Variants in PDE4B observed in about 807,000 individuals in gnomAD.
The protein encoded by PDE4B is phosphodiesterase 4B.
A neutral mutation model predicts 82.2 loss-of-function variants in PDE4B; 20 were observed. That is an observed-to-expected ratio of 0.24 (90% CI 0.17 to 0.35). The LOEUF is 0.35. PDE4B is among the 10% of genes least tolerant of loss of function. The pLI is 1.00. For synonymous variants in PDE4B, 320 were observed against 318.9 expected (o/e 1.00, Z -0.04); for missense variants, 655 against 907.2 (o/e 0.72, Z 3.57).
chr1:66,195,108 G>T (rs978035568), intron 3 of PDE4B, among the ~76,000 whole-genome samples: 5 of 152,078 alleles, frequency 3.3e-5, no homozygotes, highest in Non-Finnish European at 7.4e-5. Flanking sequence ...AATAATCAGT[G>T]GTACAAAGCT....
intron 6 of PDE4B, among the ~76,000 whole-genome samples, chr1:66,259,021 TG>T (rs1383404813): frequency 6.6e-6 from 1 of 152,196 alleles, no homozygotes; most frequent in African/African-American, 2.4e-5. Flanking sequence ...GTTTAAATGC[TG>T]GTGCTTGGCA....
chr1:66,276,961 T>C (rs1369973590), intron 7 of PDE4B, among the ~76,000 whole-genome samples: 1 of 152,240 alleles, frequency 6.6e-6, no homozygotes, highest in Admixed American at 6.5e-5. Flanking sequence ...CCCAGTAGTA[T>C]TTAGTGTTTA....
intron 1 of PDE4B, among the ~76,000 whole-genome samples, chr1:65,829,503 TC>T (rs1164894782): frequency 6.6e-6 from 1 of 152,196 alleles, no homozygotes; most frequent in Non-Finnish European, 1.5e-5. Flanking sequence ...TTTTTATTTT[TC>T]TCCAGTGAAC....
At chr1:66,248,587 T>G (rs1156516134) in intron 4 of PDE4B, among the ~76,000 whole-genome samples, 1 of 152,244 alleles carries the variant, frequency 6.6e-6, no homozygotes, top group East Asian at 1.9e-4. Flanking sequence ...TCAATCATTG[T>G]GTGGGCCCAA....
At position 66,180,015 on chromosome 1, in the gene PDE4B, A is replaced by G. The variant is rs1266991859; in HGVS notation, c.282-67445A>G. 3.3e-5 allele frequency among the ~76,000 whole-genome samples: 5 copies of G among 152,238 alleles called. No individual in the cohort carries two copies. The East Asian group carries it at 9.6e-4, about 29-fold the overall frequency. On this transcript the variant is annotated intron_variant, in intron 3 of 16. Coordinates refer to ENST00000341517, the MANE Select transcript of PDE4B (RefSeq NM_002600.4). The stretch of plus-strand genomic sequence containing the variant: ...GACAAGGTAGATTAACTGAAATAAT[A>G]ACTTCTAATGCTCATGGATTCATTT...
chr1:66,272,706 G>A (rs926307604), intron 7 of PDE4B, among the ~76,000 whole-genome samples: 38 of 150,580 alleles, frequency 2.5e-4, no homozygotes, highest in Non-Finnish European at 1.3e-4. Context: ...GCATTGTGGT[G>A]GTCCTCCAAC....
chr1:65,973,419 A>G (rs1650247881), intron 3 of PDE4B, among the ~76,000 whole-genome samples: 1 of 152,172 alleles, frequency 6.6e-6, no homozygotes, highest in African/African-American at 2.4e-5. Flanking sequence ...GGGTTTGAAT[A>G]AAACTTCAGT....
At chr1:66,199,505 T>C (rs945813262) in intron 3 of PDE4B, among the ~76,000 whole-genome samples, 1 of 152,176 alleles carries the variant, frequency 6.6e-6, no homozygotes, top group Non-Finnish European at 1.5e-5. Flanking sequence ...TCATTGTAGA[T>C]TCTGGATATT....
At chr1:66,125,968 G>T (rs1359722082) in intron 3 of PDE4B, among the ~76,000 whole-genome samples, 1 of 152,124 alleles carries the variant, frequency 6.6e-6, no homozygotes, top group Non-Finnish European at 1.5e-5. Context: ...CACCACACTA[G>T]GTTAATTTTG....
At chr1:65,867,080 G>A (rs1228446681) in intron 1 of PDE4B, among the ~76,000 whole-genome samples, 1 of 151,934 alleles carries the variant, frequency 6.6e-6, no homozygotes, top group Non-Finnish European at 1.5e-5. Flanking sequence ...AGGTATAGAT[G>A]GAATAAGACT....
chr1:65,988,435 A>G (rs892399143), intron 3 of PDE4B, among the ~76,000 whole-genome samples: 2 of 152,124 alleles, frequency 1.3e-5, no homozygotes, highest in African/African-American at 4.8e-5. Flanking sequence ...CTGCTGGAAG[A>G]GGTATGTTAG....
intron 3 of PDE4B, among the ~76,000 whole-genome samples, chr1:66,165,559 T>C (rs1646712623): frequency 6.6e-6 from 1 of 151,980 alleles, no homozygotes; most frequent in African/African-American, 2.4e-5. Flanking sequence ...TGGCAGGATA[T>C]AAGATCAATA....
chr1:66,073,663 C>T (rs956462129), intron 3 of PDE4B, among the ~76,000 whole-genome samples: 6 of 152,116 alleles, frequency 3.9e-5, no homozygotes, highest in African/African-American at 7.2e-5. Flanking sequence ...GCAACAAATC[C>T]GATAGTAAAC....
intron 7 of PDE4B, among the ~76,000 whole-genome samples, chr1:66,326,947 A>G (rs1235270518): frequency 1.3e-5 from 2 of 152,188 alleles, no homozygotes; most frequent in African/African-American, 4.8e-5. Context: ...TTTCCAAGAG[A>G]TCAGTGTAGT....
At chr1:66,340,744 C>T (rs1660917002) in intron 8 of PDE4B, among the ~76,000 whole-genome samples, 1 of 151,924 alleles carries the variant, frequency 6.6e-6, no homozygotes. Context: ...ATGACTAAGC[C>T]AATTTTTAAA....
chr1:66,200,586 G>T (rs1255111529), intron 3 of PDE4B, among the ~76,000 whole-genome samples: 1 of 152,036 alleles, frequency 6.6e-6, no homozygotes, highest in African/African-American at 2.4e-5. Context: ...GGATTCCTAG[G>T]TATTTTATTC....
chr1:65,934,850 G>A (rs1026233151), intron 3 of PDE4B, among the ~76,000 whole-genome samples: 1 of 152,056 alleles, frequency 6.6e-6, no homozygotes, highest in African/African-American at 2.4e-5. Context: ...CAACATCAGA[G>A]CATCTAAATA....
chr1:65,877,391 G>A (rs6588170), intron 1 of PDE4B, among the ~76,000 whole-genome samples: 95,805 of 151,914 alleles, frequency 0.63, 30,867 homozygotes, highest in African/African-American at 0.75. Context: ...TGAGATGGGC[G>A]GATCATGAGG....
chr1:66,314,373 AT>A (rs1303946447), intron 7 of PDE4B, among the ~76,000 whole-genome samples: 1 of 151,966 alleles, frequency 6.6e-6, no homozygotes, highest in African/African-American at 2.4e-5. Context: ...TCTTGGTCTC[AT>A]TTCGTAATCT....
Sources: gnomAD v4.1 joint callset for allele counts (sites outside exome capture counted in the v4.1 genomes callset) on GRCh38, gnomAD v4.1.1 for gene constraint, MANE v1.5 for transcripts, NCBI Gene and HGNC (gene_info 2026-07-23, HGNC 2026-07-21) for gene names.